The following C1orf198 variants were observed in gnomAD, a reference collection of about 807,000 sequenced individuals.
C1orf198 encodes uncharacterized protein C1orf198.
In C1orf198, 17 loss-of-function variants were observed where a neutral mutation model predicts 31.4. That is an observed-to-expected ratio of 0.54 (90% CI 0.37 to 0.81). C1orf198 has a LOEUF of 0.81. Among genes scored for constraint, C1orf198 ranks in the 40% least tolerant of loss-of-function variants. The probability of loss-of-function intolerance (pLI) is 0.00; values close to 1 mark genes in which losing one functional copy is unlikely to be tolerated. For missense variants in C1orf198, 401 were observed against 450.3 expected (o/e 0.89, Z 0.99); for synonymous variants, 175 against 193.8 (o/e 0.90, Z 0.81).
intron 2 of C1orf198, among the ~76,000 whole-genome samples, chr1:230,854,698 G>A (rs943499511): frequency 6.6e-6 from 1 of 152,122 alleles, no homozygotes; most frequent in Non-Finnish European, 1.5e-5. Flanking sequence ...AGCTGTCCTT[G>A]TGTCCATCTG....
chr1:230,842,108 G>A (rs922964684), intron 3 of C1orf198, among the ~76,000 whole-genome samples: 1 of 152,184 alleles, frequency 6.6e-6, no homozygotes, highest in Non-Finnish European at 1.5e-5. Flanking sequence ...AAGTGGAATG[G>A]TGGTTGCCAG....
At chr1:230,848,895 G>T (rs1052078307) in intron 2 of C1orf198, among the ~76,000 whole-genome samples, 2 of 152,144 alleles carry the variant, frequency 1.3e-5, no homozygotes, top group African/African-American at 4.8e-5. Context: ...CCAGGTGGGG[G>T]CCCAGGGGAG....
At position 230,839,558 on chromosome 1, in the gene C1orf198, A is replaced by C. The variant is rs1019847150; in HGVS notation, c.*294T>G. The C allele has an allele frequency of 3.2e-6, 1 of 312,850 alleles. No homozygotes were observed. Among genetic ancestry groups the C allele is most frequent in the East Asian group, 9.5e-5 (1 of 10,562 alleles). 19.4% of individuals were successfully genotyped at this position (312,850 alleles called of 1,614,324 possible). On this transcript the variant is annotated 3_prime_UTR_variant, in exon 4 of 4. Transcript: ENST00000366663. ...AAACACATCCTTTGAGGAGGGGGAA[A>C]GTTGGGTGGAGCTGGGAACAGAAGT...
intron 1 of C1orf198, 144 bp from the exon 2 acceptor site, chr1:230,855,862 A>G (rs1669857337): frequency 4.7e-6 from 7 of 1,481,430 alleles, no homozygotes; most frequent in Non-Finnish European, 6.3e-6. Flanking sequence ...TGACACTCTC[A>G]ATATAATGCG....
intron 1 of C1orf198, among the ~76,000 whole-genome samples, chr1:230,859,608 A>C (rs1258452930): frequency 6.6e-6 from 1 of 152,172 alleles, no homozygotes; most frequent in Non-Finnish European, 1.5e-5. Flanking sequence ...GCAGGGGGGA[A>C]GCTATAGAAA....
chr1:230,860,705 G>T (rs146925266), intron 1 of C1orf198, among the ~76,000 whole-genome samples: 221 of 152,296 alleles, frequency 1.5e-3, no homozygotes, highest in African/African-American at 5.1e-3. Flanking sequence ...AGAGACTGAG[G>T]CCAGGAAATG....
chr1:230,848,589 T>A (rs991271385), intron 2 of C1orf198, among the ~76,000 whole-genome samples: 2 of 152,220 alleles, frequency 1.3e-5, no homozygotes, highest in African/African-American at 4.8e-5. Context: ...CTCGAAGTGA[T>A]GGACACCCCA....
intron 2 of C1orf198, among the ~76,000 whole-genome samples, chr1:230,851,552 T>A (rs1160192687): frequency 3.9e-5 from 6 of 152,028 alleles, no homozygotes; most frequent in Admixed American, 2.0e-4. Flanking sequence ...AGCAGTAGCA[T>A]GAGACAGGAA....
intron 2 of C1orf198, among the ~76,000 whole-genome samples, chr1:230,851,021 C>G (rs753351651): frequency 1.3e-5 from 2 of 151,936 alleles, no homozygotes; most frequent in Non-Finnish European, 1.5e-5. Flanking sequence ...CACCAGCCTC[C>G]CAAGGGTGAA....
intron 1 of C1orf198, 60 bp downstream of exon 1, chr1:230,868,120 G>A: frequency 7.5e-7 from 1 of 1,330,114 alleles, no homozygotes; most frequent in Non-Finnish European, 9.6e-7. Flanking sequence ...GTGCCCACCG[G>A]GCCGGGGCGC....
Position 230,866,942 on chromosome 1 carries a change from C to T in C1orf198, c.333+1238G>A, listed in dbSNP as rs147643487. ...TTGATTCCATCAGAATAAAGAAACA[C>T]TGGCAGCATCCTTCAGTCATTTCAC... On this transcript the variant is annotated intron_variant, in intron 1 of 3. Coordinates refer to ENST00000366663, the MANE Select transcript of C1orf198 (RefSeq NM_032800.3). Among the ~76,000 whole-genome samples, 18 of 152,332 alleles carry T rather than the reference C, an allele frequency of 1.2e-4. No individual in the cohort carries two copies. The East Asian group carries it at 1.9e-3, about 16-fold the overall frequency.
chr1:230,868,342 C>T lies in C1orf198; in HGVS notation c.171G>A (p.Glu57=). The part of the protein sequence containing the change: ...KEKIREKYGP[E]WARLPPAQQD... The stretch of plus-strand genomic sequence containing the variant: ...GCTGCGCGGGCGGCAGCCGCGCCCA[C>T]TCGGGCCCGTACTTCTCGCGGATCT... The change falls in exon 1 of 4, where the codon GAG becomes GAA. Residue 57 remains glutamate (E), a synonymous_variant. Coordinates refer to ENST00000366663, the MANE Select transcript of C1orf198 (RefSeq NM_032800.3). The T allele has an allele frequency of 1.3e-6, 2 of 1,596,020 alleles. No homozygotes were observed. The highest frequency in any genetic ancestry group is 1.7e-6 in the Non-Finnish European group (2 of 1,172,196).
At position 230,843,525 on chromosome 1, in the gene C1orf198, C is replaced by A; in HGVS notation, c.756G>T (p.Gln252His). 6.2e-7 allele frequency: 1 copy of A among 1,612,030 alleles called. No individual in the cohort carries two copies. Among genetic ancestry groups the A allele is most frequent in the Non-Finnish European group, 8.5e-7 (1 of 1,178,620 alleles). ...VERPSTLRQE[Q>H]RPLPNVSTER... ...CGGTGCTCACGTTGGGAAGAGGACG[C>A]TGCTCCTGACGGAGGGTGCTGGGCC... Residue 252 changes from glutamine to histidine, a missense_variant, in exon 3 of 4, where the codon CAG becomes CAT. Gln to His is a conservative substitution (Grantham distance 24, BLOSUM62 0). Transcript: ENST00000366663. The surrounding 1 kb of genome is among the most constrained non-coding windows in gnomAD (Gnocchi z 4.9).
intron 2 of C1orf198, among the ~76,000 whole-genome samples, chr1:230,848,425 G>A (rs528356808): frequency 5.3e-5 from 8 of 152,174 alleles, no homozygotes; most frequent in Non-Finnish European, 1.2e-4. Flanking sequence ...GTAGGAAGGG[G>A]ATGAAGAGAG....
chr1:230,865,080 C>G (rs997196093), intron 1 of C1orf198, among the ~76,000 whole-genome samples: 7 of 152,204 alleles, frequency 4.6e-5, no homozygotes, highest in African/African-American at 1.7e-4. Context: ...ATACTGGACC[C>G]AAAGTGCACG....
rs754983423 is a variant in C1orf198 at position 230,843,947 on chromosome 1, C to T, written c.385-51G>A. ...GAAAAAAGAAAGAGATCCTGAGAAT[C>T]GACCGTCACAAGTGTGCCAGCTCAC... is the stretch of plus-strand genomic sequence containing the variant. On this transcript the variant is annotated intron_variant, in intron 2 of 3. Coordinates refer to ENST00000366663, the MANE Select transcript of C1orf198 (RefSeq NM_032800.3). The surrounding 1 kb of genome is among the most constrained non-coding windows in gnomAD (Gnocchi z 4.9). The T allele has an allele frequency of 4.0e-5, 59 of 1,486,402 alleles. No homozygotes were observed. Among genetic ancestry groups the T allele is most frequent in the South Asian group, 8.2e-5 (6 of 72,878 alleles). The allele number at this position is 1,486,402 out of a possible 1,614,324, so 92.1% of individuals were successfully genotyped here.
At chr1:230,841,241 C>T (rs1265173574) in intron 3 of C1orf198, among the ~76,000 whole-genome samples, 1 of 152,154 alleles carries the variant, frequency 6.6e-6, no homozygotes, top group Non-Finnish European at 1.5e-5. Flanking sequence ...GGGCTGAAAG[C>T]ACTAGCTTAA....
chr1:230,861,324 A>T (rs1669998670), intron 1 of C1orf198, among the ~76,000 whole-genome samples: 1 of 152,022 alleles, frequency 6.6e-6, no homozygotes, highest in African/African-American at 2.4e-5. Flanking sequence ...CTGTGTGGGA[A>T]CTCTCTGTAC....
At chr1:230,855,791 C>G in intron 1 of C1orf198, 73 bp from the exon 2 acceptor site, 1 of 1,560,340 alleles carries the variant, frequency 6.4e-7, no homozygotes, top group East Asian at 2.3e-5. Context: ...CACCCAGGAC[C>G]GTGGGGGAAC....
Sources: allele counts gnomAD v4.1 joint callset (sites outside exome capture counted in the v4.1 genomes callset), GRCh38; gene constraint gnomAD v4.1.1; non-coding constraint Gnocchi (gnomAD v3.1); transcripts MANE v1.5; gene names NCBI Gene and HGNC (gene_info 2026-07-23, HGNC 2026-07-21).